HYAL1: variants seen among roughly 807,000 people sequenced by gnomAD.
HYAL1 encodes the protein hyaluronidase-1.
A neutral mutation model predicts 28.8 loss-of-function variants in HYAL1; 21 were observed. That is an observed-to-expected ratio of 0.73 (90% CI 0.52 to 1.05). The LOEUF is 1.05. Ranked by LOEUF, HYAL1 falls within the 50% of genes least tolerant of loss-of-function variation. HYAL1 has a pLI of 0.00. For missense variants in HYAL1, 491 were observed against 579.2 expected, an observed-to-expected ratio of 0.85 and a Z score of 1.56; for synonymous variants, 200 against 230.1, an observed-to-expected ratio of 0.87 and a Z score of 1.18.
At position 50,300,367 on chromosome 3, in the gene HYAL1, T is replaced by G; in HGVS notation, c.*116A>C. On this transcript the variant is annotated 3_prime_UTR_variant, in exon 4 of 4. Coordinates refer to ENST00000395144, the MANE Select transcript of HYAL1 (RefSeq NM_033159.4). ...CAGGGAATATGCCTGTGACAGTGGC[T>G]GAGTGTACTCTTTACTGTGACCATG... is the stretch of plus-strand genomic sequence containing the variant. 2.0e-6 allele frequency: 2 copies of G among 1,020,996 alleles called. No homozygotes were observed. The highest frequency in any genetic ancestry group is 3.1e-6 in the Non-Finnish European group (2 of 651,214). 63.2% of individuals were successfully genotyped at this position (1,020,996 alleles called of 1,614,324 possible).
rs1461246270 is a variant in HYAL1 at position 50,312,042 on chromosome 3, G to A, written c.-310+222C>T. Reference sequence around the variant, plus strand: ...AGGCTGTCCCCCCCACCTCCCTCCCGGACGGGGCGGCTGGCCGGGCGGGGG... The same window carrying A: ...AGGCTGTCCCCCCCACCTCCCTCCCAGACGGGGCGGCTGGCCGGGCGGGGG... On this transcript the variant is annotated intron_variant, in intron 1 of 5. Coordinates refer to the HYAL1 transcript ENST00000320295. Among the ~76,000 whole-genome samples the A allele has an allele frequency of 8.9e-4, 124 of 139,954 alleles. 1 individual carries two copies. The highest frequency in any genetic ancestry group is 2.9e-3 in the African/African-American group (111 of 38,364). 91.8% of individuals were successfully genotyped at this position (139,954 alleles called of 152,430 possible).
In HYAL1 at chr3:50,302,494, C is replaced by A. The variant is rs1473371417; in HGVS notation, c.463G>T (p.Val155Leu). 1.2e-6 allele frequency: 2 copies of A among 1,614,162 alleles called. No individual in the cohort carries two copies. The highest frequency in any genetic ancestry group is 3.3e-5 in the Admixed American group (2 of 60,032). The stretch of plus-strand genomic sequence containing the variant: ...GGCCAATCAGGGTGCTGTGCCTGTA[C>A]CAGTGCCCGTGAGCGCTGCCGGTAA... ...DIYRQRSRAL[V>L]QAQHPDWPAP... The change falls in exon 2 of 4, where the codon GTA (valine) becomes TTA (leucine). Residue 155 changes from valine (V) to leucine (L), a missense_variant. By Grantham distance (32) the Val-to-Leu change is conservative. Coordinates refer to ENST00000395144, the MANE Select transcript of HYAL1 (RefSeq NM_033159.4). The surrounding 1 kb of genome is among the most constrained non-coding windows in gnomAD (Gnocchi z 5.0).
rs1702255137 is a variant in HYAL1 at position 50,303,469 on chromosome 3, G to C, written c.-28C>G. On this transcript the variant is annotated 5_prime_UTR_variant, in exon 1 of 4. Coordinates refer to ENST00000395144, the MANE Select transcript of HYAL1 (RefSeq NM_033159.4). ...CTGCCCGCTCGTCCCTGCTGACCTT[G>C]GGGCTGAAGGGCCTTATCCTCCAAA... The C allele has an allele frequency of 6.5e-6, 1 of 153,538 alleles. No individual in the cohort carries two copies. Among genetic ancestry groups the C allele is most frequent in the Non-Finnish European group, 1.4e-5 (1 of 69,086 alleles). The allele number at this position is 153,538 out of a possible 1,614,324, so 9.5% of individuals were successfully genotyped here. A position where few individuals can be genotyped will look rare whatever the true frequency, so the allele number is the denominator to read the frequency against.
chr3:50,301,922 G>T lies in HYAL1; in HGVS notation c.900+135C>A, dbSNP rs587645819. 1.4e-3 allele frequency: 1,374 copies of T among 953,638 alleles called. 20 individuals are homozygous for T. The African/African-American group carries it at 0.019, about 13-fold the overall frequency. The allele number at this position is 953,638 out of a possible 1,614,324, so 59.1% of individuals were successfully genotyped here. A position where few individuals can be genotyped will look rare whatever the true frequency, so the allele number is the denominator to read the frequency against. ...GCCAAGATCGTGCCACTGCACTCCA[G>T]CCTGGGTGACAGAGTGAGACTCTGT... On this transcript the variant is annotated intron_variant, in intron 2 of 3. Transcript: ENST00000395144.
intron 1 of HYAL1, among the ~76,000 whole-genome samples, chr3:50,311,471 G>T (rs1397455675): frequency 7.7e-6 from 1 of 130,512 alleles, no homozygotes; most frequent in African/African-American, 2.9e-5. Context: ...CCTCCCGGAC[G>T]GGGCGGCTGG....
chr3:50,308,740 T>TA (rs1255863449), intron 2 of HYAL1, among the ~76,000 whole-genome samples: 1 of 108,356 alleles, frequency 9.2e-6, no homozygotes, highest in Non-Finnish European at 1.9e-5. Context: ...TGGCCTTTTT[T>TA]TTTTTTTTTA....
At chr3:50,309,578 C>T (rs183844301) in intron 2 of HYAL1, 1 of 150,964 alleles carries the variant, frequency 6.6e-6, no homozygotes, top group East Asian at 1.9e-4. Flanking sequence ...AGGAATCAAA[C>T]TTAACTTATG....
chr3:50,304,200 G>A (rs1281576826), upstream of HYAL1: 1 of 143,740 alleles, frequency 7.0e-6, no homozygotes. Context: ...CCGGGAGGCA[G>A]AGGTTGCAGT....
intron 1 of HYAL1, among the ~76,000 whole-genome samples, chr3:50,311,687 C>T (rs1702461569): frequency 2.0e-5 from 3 of 146,468 alleles, no homozygotes; most frequent in African/African-American, 5.1e-5. Context: ...CCCAACCTCC[C>T]TCCCGGACGG....
upstream of HYAL1, chr3:50,303,964 AT>A (rs1553713610): frequency 6.6e-6 from 1 of 152,090 alleles, no homozygotes; most frequent in African/African-American, 2.4e-5. Flanking sequence ...CTTAAAAAAA[AT>A]ATTTTAAAAT....
At chr3:50,303,059 C>G in intron 1 of HYAL1, 79 bp from the exon 2 acceptor site, 1 of 1,120,056 alleles carries the variant, frequency 8.9e-7, no homozygotes, top group Non-Finnish European at 1.3e-6. Flanking sequence ...GGGCTGAGCC[C>G]TTGCGCATTA....
At chr3:50,308,671 G>A (rs587653733) in intron 2 of HYAL1, among the ~76,000 whole-genome samples, 3 of 149,240 alleles carry the variant, frequency 2.0e-5, no homozygotes, top group Non-Finnish European at 2.9e-5. Context: ...TCCTGACCTC[G>A]TGATCTGCCC....
intron 1 of HYAL1, 62 bp downstream of exon 1, chr3:50,303,404 C>A (rs180709517): frequency 0.012 from 1,958 of 161,190 alleles, 20 homozygotes; most frequent in Non-Finnish European, 0.02. Flanking sequence ...CCTCAGTGAC[C>A]AAGGACAGGT....
In HYAL1 at chr3:50,301,007, C is replaced by G; in HGVS notation, c.971G>C (p.Trp324Ser). The change falls in exon 3 of 4, where the codon TGG (tryptophan) becomes TCG (serine). Residue 324 changes from tryptophan to serine, a missense_variant. Trp to Ser is a radical substitution (Grantham distance 177, BLOSUM62 -3). Coordinates refer to ENST00000395144, the MANE Select transcript of HYAL1 (RefSeq NM_033159.4). The part of the protein sequence containing the change: ...GAAGVVLWVS[W>S]ENTRTKESCQ... The stretch of plus-strand genomic sequence containing the variant: ...GCTCACCTTGGTTCTTGTATTTTCC[C>G]AGCTCACCCAGAGCACCACTCCAGC... 1 of 1,580,040 alleles carries G rather than the reference C, an allele frequency of 6.3e-7. No individual in the cohort carries two copies. Among genetic ancestry groups the G allele is most frequent in the South Asian group, 1.1e-5 (1 of 90,388 alleles).
At chr3:50,311,950 C>A (rs1453583467) in intron 1 of HYAL1, among the ~76,000 whole-genome samples, 2 of 148,768 alleles carry the variant, frequency 1.3e-5, no homozygotes, top group African/African-American at 2.5e-5. Flanking sequence ...GGGCTCCTCA[C>A]TTCCCAGTAG....
At chr3:50,309,880 G>A (rs1702413012) in intron 1 of HYAL1, 1 of 151,432 alleles carries the variant, frequency 6.6e-6, no homozygotes, top group East Asian at 1.9e-4. Flanking sequence ...CCAACTCATG[G>A]GTATTTGATG....
chr3:50,300,998 G>A lies in HYAL1; in HGVS notation c.980C>T (p.Thr327Ile), dbSNP rs945405558. Residue 327 changes from threonine to isoleucine, a missense_variant, in exon 3 of 4, where the codon ACA (threonine) becomes ATA (isoleucine). By Grantham distance (89) the Thr-to-Ile change is moderately conservative. Coordinates refer to ENST00000395144, the MANE Select transcript of HYAL1 (RefSeq NM_033159.4). The stretch of plus-strand genomic sequence containing the variant: ...CAGGCCTAAGCTCACCTTGGTTCTT[G>A]TATTTTCCCAGCTCACCCAGAGCAC... ...GVVLWVSWEN[T>I]RTKESCQAIK... 4 of 1,581,048 alleles carry A rather than the reference G, an allele frequency of 2.5e-6. No homozygotes were observed. In the East Asian group the frequency reaches 6.8e-5, roughly 27 times the overall value.
intron 2 of HYAL1, 65 bp from the exon 3 acceptor site, chr3:50,301,142 C>CTAA: frequency 9.3e-7 from 1 of 1,079,662 alleles, no homozygotes; most frequent in Non-Finnish European, 1.4e-6. Context: ...TGCTGGAACA[C>CTAA]CATTAGATGG....
At chr3:50,305,628 C>T (rs587704916), upstream of HYAL1, among the ~76,000 whole-genome samples, 5 of 150,756 alleles carry the variant, frequency 3.3e-5, no homozygotes, top group Admixed American at 6.6e-5. Context: ...CTCTGGCTCC[C>T]GGGTTCAAGC....
Sources: gnomAD v4.1 joint callset for allele counts (sites outside exome capture counted in the v4.1 genomes callset) on GRCh38, gnomAD v4.1.1 for gene constraint, Gnocchi (gnomAD v3.1) non-coding constraint, MANE v1.5 for transcripts, NCBI Gene and HGNC (gene_info 2026-07-23, HGNC 2026-07-21) for gene names.